Variants in PDE7B observed in about 807,000 individuals in gnomAD.
PDE7B encodes phosphodiesterase 7B.
In PDE7B, 29 loss-of-function variants were observed where a neutral mutation model predicts 56.2. The ratio of observed to expected loss-of-function variants is 0.52; its 90% confidence interval spans 0.38 to 0.70. The LOEUF is 0.70. Among genes scored for constraint, PDE7B ranks in the 30% least tolerant of loss-of-function variants. The pLI is 0.00. For synonymous variants in PDE7B, 197 were observed against 196.9 expected (o/e 1.00, Z 0.00); for missense variants, 490 against 565.0 (o/e 0.87, Z 1.35).
chr6:135,866,194 A>G (rs1195771089), intron 1 of PDE7B, among the ~76,000 whole-genome samples: 6 of 152,114 alleles, frequency 3.9e-5, no homozygotes, highest in African/African-American at 1.4e-4. Context: ...ATTCACCTCA[A>G]TCTCTATCTA....
rs959521928 is a variant in PDE7B, at chr6:135,857,209, CT to C, written c.21+5198del. On this transcript the variant is annotated intron_variant, in intron 1 of 12. Coordinates refer to ENST00000308191, the MANE Select transcript of PDE7B (RefSeq NM_018945.4). ...TGTGTAAAGTTTGGAGTAATACTTA[CT>C]TTTTTTTCCTAGTGGTTGGTGAATT... 2.6e-5 allele frequency among the ~76,000 whole-genome samples: 4 copies of C among 151,812 alleles called. 1 individual carries two copies. Among genetic ancestry groups the C allele is most frequent in the Admixed American group, 6.6e-5 (1 of 15,248 alleles).
intron 2 of PDE7B, among the ~76,000 whole-genome samples, chr6:136,059,077 T>C (rs546680367): frequency 1.1e-3 from 167 of 152,278 alleles, no homozygotes; most frequent in African/African-American, 3.9e-3. Context: ...ACAGGTCAAG[T>C]TGACCTGTGC....
intron 1 of PDE7B, among the ~76,000 whole-genome samples, chr6:135,934,016 C>T (rs1774344472): frequency 6.6e-6 from 1 of 152,104 alleles, no homozygotes; most frequent in Admixed American, 6.6e-5. Context: ...TTTCCTATAC[C>T]TCTGTTGGTA....
intron 1 of PDE7B, among the ~76,000 whole-genome samples, chr6:135,868,107 A>G (rs1178645152): frequency 6.6e-6 from 1 of 152,164 alleles, no homozygotes; most frequent in Non-Finnish European, 1.5e-5. Context: ...TTATTTTCTA[A>G]CTATGAAGTG....
At chr6:136,072,547 A>G (rs373035377) in intron 2 of PDE7B, 4 of 152,120 alleles carry the variant, frequency 2.6e-5, no homozygotes, top group Non-Finnish European at 5.9e-5. Context: ...TAACTATTTT[A>G]CCTTAATCAG....
chr6:136,097,126 A>T (rs1048604077), intron 2 of PDE7B, among the ~76,000 whole-genome samples: 3 of 152,102 alleles, frequency 2.0e-5, no homozygotes, highest in Non-Finnish European at 4.4e-5. Context: ...GCTAGACCCT[A>T]TTCACTTCTC....
intron 2 of PDE7B, among the ~76,000 whole-genome samples, chr6:136,028,284 T>C (rs1342288698): frequency 2.6e-5 from 4 of 152,172 alleles, no homozygotes; most frequent in Non-Finnish European, 5.9e-5. Flanking sequence ...CCAAAATGGA[T>C]AAGAGGTCCT....
intron 1 of PDE7B, among the ~76,000 whole-genome samples, chr6:135,933,456 G>T (rs1316733729): frequency 2.0e-5 from 3 of 152,218 alleles, no homozygotes; most frequent in East Asian, 3.8e-4. Flanking sequence ...CTGGGCACCT[G>T]CTTTAAGCCA....
chr6:136,155,722 GATA>G lies in PDE7B; in HGVS notation c.677_679del (p.Ile226del). On this transcript the variant is annotated inframe_deletion, in exon 8 of 13. Transcript: ENST00000308191. ...ACCCAGGGGTGAACCAGCCATTTTT[GATA>G]AAAACTAACCACCATCTTGCAAACC... 1 of 1,614,026 alleles carries G rather than the reference GATA, an allele frequency of 6.2e-7. No individual in the cohort carries two copies. The highest frequency in any genetic ancestry group is 8.5e-7 in the Non-Finnish European group (1 of 1,179,980).
chr6:136,191,978 C>T lies in PDE7B; in HGVS notation c.*138C>T. Reference sequence around the variant, plus strand: ...GCTCTTTGGAACGCCATCTTCCTCCCACTTACCTGCCTCCCCTCCTTTTCG... The same window carrying T: ...GCTCTTTGGAACGCCATCTTCCTCCTACTTACCTGCCTCCCCTCCTTTTCG... On this transcript the variant is annotated 3_prime_UTR_variant, in exon 13 of 13. Coordinates refer to ENST00000308191, the MANE Select transcript of PDE7B (RefSeq NM_018945.4). 1.5e-6 allele frequency: 1 copy of T among 660,318 alleles called. No individual in the cohort carries two copies. Among genetic ancestry groups the T allele is most frequent in the Non-Finnish European group, 2.6e-6 (1 of 388,896 alleles). The allele number at this position is 660,318 out of a possible 1,614,324, so 40.9% of individuals were successfully genotyped here.
intron 1 of PDE7B, 86 bp from the exon 2 acceptor site, chr6:135,947,378 A>AT: frequency 9.9e-7 from 1 of 1,011,554 alleles, no homozygotes; most frequent in South Asian, 1.3e-5. Flanking sequence ...GAATAATGTT[A>AT]TGGTAATGTC....
chr6:135,928,503 A>ATATATATATATT (rs1562442952), intron 1 of PDE7B, among the ~76,000 whole-genome samples: 124 of 102,516 alleles, frequency 1.2e-3, no homozygotes, highest in Middle Eastern at 5.0e-3. Flanking sequence ...ATATATATTT[A>ATATATATATATT]TATATATATA....
At chr6:135,970,544 A>G (rs1293866993) in intron 2 of PDE7B, among the ~76,000 whole-genome samples, 1 of 152,176 alleles carries the variant, frequency 6.6e-6, no homozygotes, top group South Asian at 2.1e-4. Context: ...AATGGGGCCT[A>G]AGATTAGGTC....
intron 11 of PDE7B, among the ~76,000 whole-genome samples, chr6:136,186,035 G>A (rs561875468): frequency 5.9e-4 from 90 of 151,692 alleles, no homozygotes; most frequent in Non-Finnish European, 5.4e-4. Flanking sequence ...TGGTGCAAAT[G>A]TAATTGTGGG....
At chr6:135,980,185 T>G (rs201426425) in intron 2 of PDE7B, among the ~76,000 whole-genome samples, 4 of 150,674 alleles carry the variant, frequency 2.7e-5, no homozygotes, top group African/African-American at 7.3e-5. Context: ...AAACAAGCAA[T>G]GAGGAAAGGA....
At chr6:136,139,772 T>A (rs1240927837) in intron 3 of PDE7B, among the ~76,000 whole-genome samples, 4 of 152,234 alleles carry the variant, frequency 2.6e-5, no homozygotes, top group Non-Finnish European at 5.9e-5. Flanking sequence ...TGTCTTCTTT[T>A]GAGAAGTGTC....
At chr6:136,123,591 T>C (rs1481781478) in intron 3 of PDE7B, among the ~76,000 whole-genome samples, 3 of 152,182 alleles carry the variant, frequency 2.0e-5, no homozygotes, top group South Asian at 2.1e-4. Context: ...TCGCTGGGAA[T>C]TGCCAAACAA....
chr6:136,165,181 G>A (rs1354247243), intron 8 of PDE7B, among the ~76,000 whole-genome samples: 3 of 152,208 alleles, frequency 2.0e-5, no homozygotes, highest in African/African-American at 7.2e-5. Context: ...TGTGGGTGTA[G>A]AAGGTCTGGA....
At chr6:135,865,660 G>A (rs966865264) in intron 1 of PDE7B, among the ~76,000 whole-genome samples, 1 of 144,198 alleles carries the variant, frequency 6.9e-6, no homozygotes, top group Admixed American at 6.9e-5. Context: ...TATGTGTGGA[G>A]AGAGAGAGAG....
Sources: allele counts gnomAD v4.1 joint callset (sites outside exome capture counted in the v4.1 genomes callset), GRCh38; gene constraint gnomAD v4.1.1; transcripts MANE v1.5; gene names NCBI Gene and HGNC (gene_info 2026-07-23, HGNC 2026-07-21).